The following NUP205 variants were observed in gnomAD, a reference collection of about 807,000 sequenced individuals.
NUP205 encodes the protein nucleoporin 205.
A neutral mutation model predicts 253.8 loss-of-function variants in NUP205; 76 were observed. That is an observed-to-expected ratio of 0.30 (90% CI 0.25 to 0.36). The LOEUF (loss-of-function observed/expected upper bound fraction) is 0.36. NUP205 is among the 10% of genes least tolerant of loss of function. NUP205 has a pLI of 1.00. For missense variants in NUP205, 2,162 were observed against 2,425.5 expected (o/e 0.89, Z 2.28); for synonymous variants, 832 against 850.1 (o/e 0.98, Z 0.37).
rs117085332 is a variant in NUP205, at chr7:135,571,939, T to C, written c.171+692T>C. Among the ~76,000 whole-genome samples, 831 of 152,280 alleles carry C rather than the reference T, an allele frequency of 5.5e-3. 7 individuals are homozygous for C. In the East Asian group the frequency reaches 0.06, roughly 11 times the overall value. On this transcript the variant is annotated intron_variant, in intron 2 of 42. Coordinates refer to ENST00000285968, the MANE Select transcript of NUP205 (RefSeq NM_015135.3). ...TGGAGTGAAGTGGCCTGATTATAGC[T>C]CACTATAGCCTCAAACTCCTGGTTC...
chr7:135,597,447 AATTC>A, intron 14 of NUP205, 29 bp downstream of exon 14: 1 of 1,396,612 alleles, frequency 7.2e-7, no homozygotes, highest in Non-Finnish European at 1.0e-6. Flanking sequence ...TTTAAATGTT[AATTC>A]ATTCATGCAT....
intron 8 of NUP205, among the ~76,000 whole-genome samples, chr7:135,587,148 A>G (rs999366574): frequency 1.3e-5 from 2 of 151,794 alleles, no homozygotes; most frequent in African/African-American, 4.8e-5. Context: ...CTGAGGTATA[A>G]TGTTCTTCAG....
At position 135,643,252 on chromosome 7, in the gene NUP205, T is replaced by A; in HGVS notation, c.5453T>A (p.Leu1818Gln). The stretch of plus-strand genomic sequence containing the variant: ...CCTGGTTTAGGCATTATCATCTACC[T>A]GCTGAAACAGAGTGCTAATGATTTC... ...RLPGLGIIIY[L>Q]LKQSANDFFS... Residue 1818 changes from leucine to glutamine, a missense_variant, in exon 39 of 43, where the codon CTG becomes CAG. Leu to Gln is a moderately radical substitution (Grantham distance 113, BLOSUM62 -2). Transcript: ENST00000285968. 6.2e-7 allele frequency: 1 copy of A among 1,614,146 alleles called. No individual in the cohort carries two copies. Among genetic ancestry groups the A allele is most frequent in the Non-Finnish European group, 8.5e-7 (1 of 1,180,002 alleles).
intron 22 of NUP205, among the ~76,000 whole-genome samples, chr7:135,611,446 T>A (rs1794234774): frequency 6.6e-6 from 1 of 152,242 alleles, no homozygotes; most frequent in Non-Finnish European, 1.5e-5. Context: ...TTATAGAATA[T>A]CAAAATGGTA....
At chr7:135,647,571 ATGCAGTGG>A (rs1419746272) in intron 42 of NUP205, among the ~76,000 whole-genome samples, 1 of 152,226 alleles carries the variant, frequency 6.6e-6, no homozygotes, top group Non-Finnish European at 1.5e-5. Context: ...CCAGGCTGGC[ATGCAGTGG>A]TGTGACCACA....
At chr7:135,561,150 G>A (rs1805570002) in intron 1 of NUP205, among the ~76,000 whole-genome samples, 1 of 152,076 alleles carries the variant, frequency 6.6e-6, no homozygotes, top group African/African-American at 2.4e-5. Flanking sequence ...TTCGAGACCA[G>A]CCTGGCCAAC....
chr7:135,561,547 A>G (rs935225943), intron 1 of NUP205, among the ~76,000 whole-genome samples: 4 of 152,154 alleles, frequency 2.6e-5, no homozygotes, highest in African/African-American at 9.7e-5. Context: ...AGACCTTTCT[A>G]CACTCTTCAA....
intron 24 of NUP205, 93 bp downstream of exon 24, chr7:135,616,158 C>T (rs1584676138): frequency 2.7e-6 from 3 of 1,097,788 alleles, no homozygotes; most frequent in Non-Finnish European, 2.5e-6. Context: ...TGACTATAGA[C>T]CAAAACTATC....
At chr7:135,614,080 C>T in intron 22 of NUP205, 79 bp from the exon 23 acceptor site, 1 of 779,060 alleles carries the variant, frequency 1.3e-6, no homozygotes, top group South Asian at 1.6e-5. Flanking sequence ...CTTAGTAGGT[C>T]TAAGTTCATA....
intron 34 of NUP205, among the ~76,000 whole-genome samples, chr7:135,629,135 T>A (rs760225143): frequency 5.9e-5 from 9 of 152,202 alleles, no homozygotes; most frequent in African/African-American, 9.6e-5. Context: ...GGAATCTTTA[T>A]TAAAAAACAA....
At chr7:135,630,835 AG>A (rs1794697289) in intron 35 of NUP205, among the ~76,000 whole-genome samples, 1 of 152,028 alleles carries the variant, frequency 6.6e-6, no homozygotes, top group Admixed American at 6.6e-5. Flanking sequence ...TTGAGGTAGG[AG>A]GATTACTTGA....
chr7:135,570,192 ATTTAT>A (rs915644522), intron 1 of NUP205, among the ~76,000 whole-genome samples: 3 of 151,472 alleles, frequency 2.0e-5, no homozygotes, highest in African/African-American at 7.3e-5. Context: ...TAAAGTCAGG[ATTTAT>A]TTTATTTATT....
chr7:135,560,022 C>A (rs749232713), intron 1 of NUP205, among the ~76,000 whole-genome samples: 4 of 152,138 alleles, frequency 2.6e-5, no homozygotes, highest in Non-Finnish European at 5.9e-5. Flanking sequence ...CTACACCCAG[C>A]TAATTTTTTG....
Position 135,626,236 on chromosome 7 carries a change from T to C in NUP205, c.4672-4T>C. The C allele has an allele frequency of 6.2e-7, 1 of 1,614,100 alleles. No individual in the cohort carries two copies. Among genetic ancestry groups the C allele is most frequent in the Non-Finnish European group, 8.5e-7 (1 of 1,179,996 alleles). On this transcript the variant is annotated splice_region_variant and splice_polypyrimidine_tract_variant and intron_variant, in intron 32 of 42. Transcript: ENST00000285968. ...CTGATGATTTTTCTCTTGTAACTCCTCAGGCATTTCTCACAAGAGTGGCAA... is the reference window on the plus strand; with the variant it reads ...CTGATGATTTTTCTCTTGTAACTCCCCAGGCATTTCTCACAAGAGTGGCAA...
At chr7:135,592,931 C>G (rs1234484307) in intron 11 of NUP205, 56 bp from the exon 12 acceptor site, 1 of 1,246,578 alleles carries the variant, frequency 8.0e-7, no homozygotes, top group East Asian at 2.3e-5. Context: ...CTCTCCATTT[C>G]CCAGCAAATG....
intron 4 of NUP205, among the ~76,000 whole-genome samples, chr7:135,576,765 C>T (rs1031537690): frequency 3.9e-5 from 6 of 151,968 alleles, no homozygotes; most frequent in African/African-American, 1.5e-4. Context: ...ACCTGCAGTC[C>T]CAGCTACCTG....
At chr7:135,585,547 T>G (rs934467429) in intron 8 of NUP205, among the ~76,000 whole-genome samples, 6 of 152,010 alleles carry the variant, frequency 3.9e-5, no homozygotes, top group Admixed American at 2.0e-4. Flanking sequence ...TTATAGATAA[T>G]TGTTTAGATT....
rs528650224 is a variant in NUP205, at chr7:135,635,796, A to G, written c.5136+139A>G. 1.3e-3 allele frequency: 642 copies of G among 507,444 alleles called. 8 individuals carry two copies. The highest frequency in any genetic ancestry group is 0.012 in the African/African-American group (596 of 51,604). The allele number at this position is 507,444 out of a possible 1,614,324, so 31.4% of individuals were successfully genotyped here. On this transcript the variant is annotated intron_variant, in intron 36 of 42. Coordinates refer to ENST00000285968, the MANE Select transcript of NUP205 (RefSeq NM_015135.3). ...TAGTTTTTCTAAATAATATGCTTAT[A>G]TTGCTGCTTCTTGATTTTCTAATTT...
At chr7:135,558,384 A>G (rs554024321) in intron 1 of NUP205, among the ~76,000 whole-genome samples, 16 of 152,294 alleles carry the variant, frequency 1.1e-4, no homozygotes, top group African/African-American at 3.4e-4. Flanking sequence ...TAGGCGTCGG[A>G]GTTCCTTATA....
Sources: allele counts gnomAD v4.1 joint callset (sites outside exome capture counted in the v4.1 genomes callset), GRCh38; gene constraint gnomAD v4.1.1; transcripts MANE v1.5; gene names NCBI Gene and HGNC (gene_info 2026-07-23, HGNC 2026-07-21).